Variants in DIPK2A observed in about 807,000 individuals in gnomAD.
DIPK2A encodes the protein divergent protein kinase domain 2A.
A neutral mutation model predicts 39.0 loss-of-function variants in DIPK2A; 27 were observed. The ratio of observed to expected loss-of-function variants is 0.69; its 90% CI spans 0.51 to 0.96. The LOEUF is 0.96. Ranked by LOEUF, DIPK2A falls within the 40% of genes least tolerant of loss-of-function variation. The pLI is 0.00. For missense variants in DIPK2A, 528 were observed against 571.3 expected, an observed-to-expected ratio of 0.92 and a Z score of 0.77; for synonymous variants, 298 against 240.8, an observed-to-expected ratio of 1.24 and a Z score of -2.20.
intron 1 of DIPK2A, chr3:143,973,663 C>G (rs183034819): frequency 1.2e-6 from 1 of 837,624 alleles, no homozygotes; most frequent in Admixed American, 2.1e-5. Context: ...TAAGGCCAGA[C>G]AGACGTTTTC....
chr3:143,974,120 G>T (rs2087697196), intron 1 of DIPK2A, among the ~76,000 whole-genome samples: 1 of 145,396 alleles, frequency 6.9e-6, no homozygotes, highest in Non-Finnish European at 1.5e-5. Context: ...GAGGTACAGG[G>T]TTTTTTTTTT....
In DIPK2A at chr3:143,972,239, C is replaced by G. The variant is rs989153903; in HGVS notation, c.-94C>G. The G allele has an allele frequency of 1.5e-5, 18 of 1,198,086 alleles. No individual in the cohort carries two copies. Among genetic ancestry groups the G allele is most frequent in the Admixed American group, 7.7e-5 (2 of 25,844 alleles). The allele number at this position is 1,198,086 out of a possible 1,614,324, so 74.2% of individuals were successfully genotyped here. ...CAGCCCGCGCGCTAGCTCCTTCTCT[C>G]GCCCGGGGTTCCTGCCGGTAGCTCT... On this transcript the variant is annotated 5_prime_UTR_variant, in exon 1 of 3. Transcript: ENST00000315691.
At chr3:143,985,508 G>C in intron 1 of DIPK2A, 35 bp from the exon 2 acceptor site, 1 of 1,562,062 alleles carries the variant, frequency 6.4e-7, no homozygotes. Flanking sequence ...ATTTTCATCA[G>C]AATCTCTTGT....
chr3:143,985,071 A>T (rs2107846394), intron 1 of DIPK2A, among the ~76,000 whole-genome samples: 1 of 152,346 alleles, frequency 6.6e-6, no homozygotes, highest in South Asian at 2.1e-4. Flanking sequence ...ATAAAAGCCC[A>T]TGGCTAAATG....
At chr3:143,977,415 C>T (rs951208746) in intron 1 of DIPK2A, among the ~76,000 whole-genome samples, 2 of 151,970 alleles carry the variant, frequency 1.3e-5, no homozygotes, top group Admixed American at 6.6e-5. Context: ...GTGGGATGCT[C>T]TCTTTCAAGC....
intron 2 of DIPK2A, among the ~76,000 whole-genome samples, chr3:143,986,722 C>CA (rs11293429): frequency 0.055 from 3,615 of 66,028 alleles, 86 homozygotes; most frequent in Non-Finnish European, 0.093. Context: ...GACTCCGTCT[C>CA]AAAAAAAAAA....
chr3:143,987,197 C>G (rs902222366), intron 2 of DIPK2A, among the ~76,000 whole-genome samples: 9 of 152,056 alleles, frequency 5.9e-5, no homozygotes, highest in African/African-American at 2.2e-4. Context: ...ACTATTCTTT[C>G]TTTTTTAAAG....
chr3:143,976,192 A>G (rs2087725914), intron 1 of DIPK2A, among the ~76,000 whole-genome samples: 1 of 152,090 alleles, frequency 6.6e-6, no homozygotes, highest in African/African-American at 2.4e-5. Flanking sequence ...TCACTAGTTT[A>G]CAACAGTTTA....
intron 1 of DIPK2A, chr3:143,978,643 T>TATATAG (rs1444775907): frequency 3.3e-5 from 1 of 30,484 alleles, no homozygotes; most frequent in Non-Finnish European, 6.2e-5. Context: ...TATATATCTA[T>TATATAG]ATATATATAT....
At chr3:143,973,743 G>A (rs2087691033) in intron 1 of DIPK2A, 1 of 608,482 alleles carries the variant, frequency 1.6e-6, no homozygotes, top group Non-Finnish European at 2.9e-6. Context: ...TTAGGCCAGG[G>A]CGAGTATCAG....
intron 2 of DIPK2A, among the ~76,000 whole-genome samples, chr3:143,987,337 T>G (rs1238532239): frequency 3.9e-5 from 6 of 152,216 alleles, no homozygotes; most frequent in African/African-American, 1.4e-4. Flanking sequence ...CTGGAATAAT[T>G]ATTACTAATT....
chr3:143,990,300 T>G lies in DIPK2A; in HGVS notation c.*459T>G, dbSNP rs182271050. On this transcript the variant is annotated 3_prime_UTR_variant, in exon 3 of 3. Coordinates refer to ENST00000315691, the MANE Select transcript of DIPK2A (RefSeq NM_173552.5). ...TCTGATGTGTAGGGTTTTTTCCCCC[T>G]TTTTTTTTTTAATTAAATTTTGAAA... is the stretch of plus-strand genomic sequence containing the variant. 1 of 145,396 alleles carries G rather than the reference T, an allele frequency of 6.9e-6. No individual in the cohort carries two copies. The highest frequency in any genetic ancestry group is 1.5e-5 in the Non-Finnish European group (1 of 65,516). The allele number at this position is 145,396 out of a possible 1,614,324, so 9.0% of individuals were successfully genotyped here. A position where few individuals can be genotyped will look rare whatever the true frequency, so the allele number is the denominator to read the frequency against.
In DIPK2A at chr3:143,972,173, C is replaced by A; in HGVS notation, c.-160C>A. 1.8e-6 allele frequency: 1 copy of A among 545,886 alleles called. No individual in the cohort carries two copies. The highest frequency in any genetic ancestry group is 2.9e-6 in the Non-Finnish European group (1 of 350,168). 33.8% of individuals were successfully genotyped at this position (545,886 alleles called of 1,614,324 possible). ...CCGCTCAGGCCCGCGCCTTCCCGCT[C>A]CCCGTCTTCCTCTCTCACACACCTA... On this transcript the variant is annotated 5_prime_UTR_variant, in exon 1 of 3. Transcript: ENST00000315691.
At chr3:143,985,901 T>C (rs1423994382) in intron 2 of DIPK2A, 55 bp downstream of exon 2, 4 of 1,383,670 alleles carry the variant, frequency 2.9e-6, no homozygotes, top group Non-Finnish European at 3.9e-6. Context: ...GTCAAAATAA[T>C]GTTTATACTT....
chr3:143,972,678 C>T lies in DIPK2A; in HGVS notation c.346C>T (p.Arg116Cys), dbSNP rs756937184. The change falls in exon 1 of 3, where the codon CGC (arginine) becomes TGC (cysteine). Residue 116 changes from arginine to cysteine, a missense_variant. Coordinates refer to ENST00000315691, the MANE Select transcript of DIPK2A (RefSeq NM_173552.5). ...RVVLKRLGSQ[R>C]ELAQLDQSIC... Reference sequence around the variant, plus strand: ...GGTGCTCAAGCGCCTCGGCTCGCAGCGCGAGCTGGCGCAGCTCGACCAGAG... The same window carrying T: ...GGTGCTCAAGCGCCTCGGCTCGCAGTGCGAGCTGGCGCAGCTCGACCAGAG... 2 of 1,608,086 alleles carry T rather than the reference C, an allele frequency of 1.2e-6. No homozygotes were observed. Among genetic ancestry groups the T allele is most frequent in the Admixed American group, 1.7e-5 (1 of 59,752 alleles).
At chr3:143,987,707 T>A (rs1358726126) in intron 2 of DIPK2A, among the ~76,000 whole-genome samples, 1 of 152,212 alleles carries the variant, frequency 6.6e-6, no homozygotes, top group African/African-American at 2.4e-5. Context: ...ATCCAACTTC[T>A]CTTGCCTTCC....
chr3:143,973,526 G>T, intron 1 of DIPK2A: 1 of 1,551,668 alleles, frequency 6.4e-7, no homozygotes, highest in Non-Finnish European at 8.7e-7. Flanking sequence ...AGGACAAGTT[G>T]GGGAGGATGA....
chr3:143,980,294 T>A (rs2087808759), intron 1 of DIPK2A, among the ~76,000 whole-genome samples: 1 of 152,162 alleles, frequency 6.6e-6, no homozygotes, highest in Non-Finnish European at 1.5e-5. Flanking sequence ...TTTATTTTGA[T>A]GGAGTCTCTG....
At chr3:143,973,915 T>C (rs917289547) in intron 1 of DIPK2A, among the ~76,000 whole-genome samples, 1 of 152,194 alleles carries the variant, frequency 6.6e-6, no homozygotes, top group African/African-American at 2.4e-5. Context: ...ATTTGCTTGT[T>C]TCTGCACATT....
Sources: gnomAD v4.1 joint callset for allele counts (sites outside exome capture counted in the v4.1 genomes callset) on GRCh38, gnomAD v4.1.1 for gene constraint, MANE v1.5 for transcripts, NCBI Gene and HGNC (gene_info 2026-07-23, HGNC 2026-07-21) for gene names.